SLC7A14: variants seen among roughly 807,000 people sequenced by gnomAD.
SLC7A14 encodes solute carrier family 7 member 14, also known as gamma-aminobutyric acid transporter SLC7A14.
SLC7A14 carries 37 observed loss-of-function variants against 60.2 expected under a neutral mutation model. That is an observed-to-expected ratio of 0.61 (90% CI 0.47 to 0.81). The LOEUF (loss-of-function observed/expected upper bound fraction) is 0.81. Ranked by LOEUF, SLC7A14 falls within the 30% of genes least tolerant of loss-of-function variation. SLC7A14 has a pLI of 0.00. For missense variants in SLC7A14, 886 were observed against 982.7 expected (o/e 0.90, Z 1.32); for synonymous variants, 399 against 395.8 (o/e 1.01, Z -0.10).
chr3:170,550,228 A>T (rs1714304407), intron 1 of SLC7A14, among the ~76,000 whole-genome samples: 1 of 152,258 alleles, frequency 6.6e-6, no homozygotes, highest in Non-Finnish European at 1.5e-5. Context: ...TTATTCAAGA[A>T]AAATCAATAT....
chr3:170,547,787 T>C (rs1228297419), intron 1 of SLC7A14, among the ~76,000 whole-genome samples: 1 of 152,218 alleles, frequency 6.6e-6, no homozygotes, highest in Non-Finnish European at 1.5e-5. Context: ...CAAGAGAGTA[T>C]ATGTCATCTG....
chr3:170,495,761 C>G (rs897833735), intron 4 of SLC7A14: 2 of 1,182,798 alleles, frequency 1.7e-6, no homozygotes, highest in Admixed American at 3.4e-5. Context: ...CCTTCATCGA[C>G]AAGGTACGGT....
chr3:170,480,455 G>C lies in SLC7A14; in HGVS notation c.1827C>G (p.Ser609Arg). ...GCTGCAGGATCACAAACACCAGGGT[G>C]CTGATCAGCAGCACCATCAGAACAA... ...LLVVLMVLLI[S>R]TLVFVILQQP... The change falls in exon 7 of 8, where the codon AGC becomes AGG. Residue 609 changes from serine to arginine, a missense_variant. Transcript: ENST00000231706. The C allele has an allele frequency of 6.2e-7, 1 of 1,614,022 alleles. No individual in the cohort carries two copies. The highest frequency in any genetic ancestry group is 8.5e-7 in the Non-Finnish European group (1 of 1,179,918).
chr3:170,578,945 A>G (rs900464056), intron 1 of SLC7A14, among the ~76,000 whole-genome samples: 1 of 152,198 alleles, frequency 6.6e-6, no homozygotes. Flanking sequence ...ATCTTTTTCT[A>G]TGGCTTATAG....
At chr3:170,494,338 C>T (rs1434638083) in intron 4 of SLC7A14, among the ~76,000 whole-genome samples, 10 of 152,210 alleles carry the variant, frequency 6.6e-5, no homozygotes, top group Admixed American at 5.9e-4. Flanking sequence ...CTTTCTTATG[C>T]CTGACTTCTG....
chr3:170,530,349 G>A (rs1411056122), intron 1 of SLC7A14, among the ~76,000 whole-genome samples: 1 of 152,180 alleles, frequency 6.6e-6, no homozygotes, highest in African/African-American at 2.4e-5. Flanking sequence ...ATGGGGTAAG[G>A]AGGAGGATTT....
intron 2 of SLC7A14, among the ~76,000 whole-genome samples, chr3:170,516,996 G>GT (rs1265638439): frequency 2.0e-5 from 3 of 152,042 alleles, no homozygotes; most frequent in African/African-American, 4.8e-5. Context: ...TATGCAAATG[G>GT]TTTTCAGCTA....
At chr3:170,560,755 A>G (rs1714624997) in intron 1 of SLC7A14, among the ~76,000 whole-genome samples, 2 of 152,230 alleles carry the variant, frequency 1.3e-5, no homozygotes, top group South Asian at 4.1e-4. Context: ...TCCTGAGCAT[A>G]GTTGGACAGT....
intron 7 of SLC7A14, among the ~76,000 whole-genome samples, chr3:170,471,848 A>G (rs1739919815): frequency 6.6e-6 from 1 of 152,222 alleles, no homozygotes. Context: ...GCTGTACCTT[A>G]AAAGCAGATA....
At chr3:170,483,589 G>A (rs1048237142) in intron 5 of SLC7A14, 67 bp from the exon 6 acceptor site, 3 of 1,554,846 alleles carry the variant, frequency 1.9e-6, no homozygotes, top group Admixed American at 1.7e-5. Flanking sequence ...AGGCCCCACG[G>A]GAGAGGAAAG....
intron 3 of SLC7A14, among the ~76,000 whole-genome samples, chr3:170,499,105 C>T (rs749855763): frequency 2.6e-5 from 4 of 151,340 alleles, no homozygotes; most frequent in African/African-American, 9.7e-5. Flanking sequence ...GGTGTGGTGG[C>T]GGGCGCCTGT....
At chr3:170,482,498 T>C (rs1471131271) in intron 6 of SLC7A14, among the ~76,000 whole-genome samples, 1 of 152,264 alleles carries the variant, frequency 6.6e-6, no homozygotes, top group Non-Finnish European at 1.5e-5. Flanking sequence ...CACGGTTTAC[T>C]CCTTGCTTTG....
chr3:170,499,738 G>A (rs1038243979), intron 3 of SLC7A14, among the ~76,000 whole-genome samples: 6 of 152,076 alleles, frequency 3.9e-5, no homozygotes, highest in East Asian at 3.9e-4. Context: ...TTTGCCCAAC[G>A]GCCAGTGGAC....
chr3:170,485,319 G>C (rs916475181), intron 5 of SLC7A14, among the ~76,000 whole-genome samples: 4 of 152,170 alleles, frequency 2.6e-5, no homozygotes, highest in Non-Finnish European at 4.4e-5. Context: ...AATTGGTCTG[G>C]CTTCCTTAGC....
At chr3:170,490,066 G>C (rs982464968) in intron 4 of SLC7A14, among the ~76,000 whole-genome samples, 16 of 152,028 alleles carry the variant, frequency 1.1e-4, no homozygotes, top group African/African-American at 3.6e-4. Flanking sequence ...AGTAATAATT[G>C]TACATTTTAA....
chr3:170,495,653 C>A, intron 4 of SLC7A14: 1 of 835,884 alleles, frequency 1.2e-6, no homozygotes. Context: ...TCAACCAGAG[C>A]CTGCTGAGCC....
intron 1 of SLC7A14, among the ~76,000 whole-genome samples, chr3:170,563,297 C>T (rs1192055390): frequency 1.3e-5 from 2 of 152,096 alleles, no homozygotes; most frequent in Non-Finnish European, 1.5e-5. Context: ...CTCACCTTCA[C>T]CTCCCTCCCT....
At position 170,486,322 on chromosome 3, in the gene SLC7A14, T is replaced by C; in HGVS notation, c.806A>G (p.Asp269Gly). The change falls in exon 5 of 8, where the codon GAC (aspartate) becomes GGC (glycine). Residue 269 changes from aspartate (D) to glycine (G), a missense_variant. Asp to Gly is a moderately conservative substitution (Grantham distance 94, BLOSUM62 -1). Transcript: ENST00000231706. ...ATCFYAFIGFDIIATTGEEAK... is the reference protein window; with the variant it reads ...ATCFYAFIGFGIIATTGEEAK... ...TTCCTCTCCAGTGGTGGCGATGATG[T>C]CAAAGCCAATGAAAGCGTAGAAGCA... 1 of 1,614,184 alleles carries C rather than the reference T, an allele frequency of 6.2e-7. No homozygotes were observed. The highest frequency in any genetic ancestry group is 1.6e-4 in the Middle Eastern group (1 of 6,062).
At chr3:170,555,723 G>A (rs143517227) in intron 1 of SLC7A14, among the ~76,000 whole-genome samples, 1 of 152,108 alleles carries the variant, frequency 6.6e-6, no homozygotes, top group African/African-American at 2.4e-5. Context: ...ATGTAGAAAA[G>A]TTACAGTAAA....
Sources: gnomAD v4.1 joint callset for allele counts (sites outside exome capture counted in the v4.1 genomes callset) on GRCh38, gnomAD v4.1.1 for gene constraint, MANE v1.5 for transcripts, NCBI Gene and HGNC (gene_info 2026-07-23, HGNC 2026-07-21) for gene names.